MAGI2: variants seen among roughly 807,000 people sequenced by gnomAD.
MAGI2 encodes membrane-associated guanylate kinase, WW and PDZ domain-containing protein 2.
A neutral mutation model predicts 133.3 loss-of-function variants in MAGI2; 35 were observed. The ratio of observed to expected loss-of-function variants is 0.26; its 90% CI spans 0.20 to 0.35. The LOEUF (loss-of-function observed/expected upper bound fraction) is 0.35. Among genes scored for constraint, MAGI2 ranks in the 10% least tolerant of loss-of-function variants. The pLI is 1.00. For missense variants in MAGI2, 1,636 were observed against 1,863.4 expected, an observed-to-expected ratio of 0.88 and a Z score of 2.25; for synonymous variants, 729 against 710.6, an observed-to-expected ratio of 1.03 and a Z score of -0.41.
chr7:78,764,837 A>G (rs980371918), intron 2 of MAGI2, among the ~76,000 whole-genome samples: 6 of 152,202 alleles, frequency 3.9e-5, no homozygotes, highest in Admixed American at 2.0e-4. Context: ...AGTGCTAACC[A>G]CTACATGATA....
At chr7:79,133,241 A>C (rs1821097092) in intron 1 of MAGI2, among the ~76,000 whole-genome samples, 1 of 152,050 alleles carries the variant, frequency 6.6e-6, no homozygotes, top group Non-Finnish European at 1.5e-5. Context: ...TGTCTAGAAG[A>C]GTTTTTCCAA....
intron 14 of MAGI2, among the ~76,000 whole-genome samples, 183 bp from the exon 15 acceptor site, chr7:78,168,291 C>T (rs1443457552): frequency 6.6e-6 from 1 of 151,854 alleles, no homozygotes; most frequent in African/African-American, 2.4e-5. Flanking sequence ...AGTTATATAA[C>T]TTGTGGAAGA....
At chr7:78,029,658 C>T (rs901499068) in intron 21 of MAGI2, among the ~76,000 whole-genome samples, 17 of 152,302 alleles carry the variant, frequency 1.1e-4, no homozygotes, top group South Asian at 2.1e-4. Context: ...CAAACGACTG[C>T]GTGTTGAAAA....
At chr7:78,247,419 A>G (rs28379582) in intron 10 of MAGI2, among the ~76,000 whole-genome samples, 16,528 of 152,238 alleles carry the variant, frequency 0.11, 1,032 homozygotes, top group African/African-American at 0.16. Context: ...TACCAAAGGA[A>G]CACAATAACT....
At chr7:78,654,707 A>ATATATATATATATATATATATG (rs1811956777) in intron 2 of MAGI2, among the ~76,000 whole-genome samples, 1 of 2,452 alleles carries the variant, frequency 4.1e-4, no homozygotes, top group African/African-American at 8.9e-4. Flanking sequence ...ATATATGTAT[A>ATATATATATATATATATATATG]TATATATATA....
At chr7:79,055,655 A>T (rs147968528) in intron 1 of MAGI2, among the ~76,000 whole-genome samples, 11 of 152,300 alleles carry the variant, frequency 7.2e-5, no homozygotes, top group Admixed American at 1.3e-4. Flanking sequence ...CCAGATGGCT[A>T]TGTAGAAATA....
chr7:79,424,394 T>C (rs1398969639), intron 1 of MAGI2, among the ~76,000 whole-genome samples: 1 of 152,090 alleles, frequency 6.6e-6, no homozygotes, highest in Non-Finnish European at 1.5e-5. Context: ...GAATGGTGGT[T>C]GTGAGAGGCT....
At chr7:78,287,900 C>T (rs1275245311) in intron 9 of MAGI2, among the ~76,000 whole-genome samples, 1 of 152,114 alleles carries the variant, frequency 6.6e-6, no homozygotes, top group Non-Finnish European at 1.5e-5. Flanking sequence ...TTACCTATTC[C>T]ATTTTCACAA....
At chr7:78,505,990 G>A (rs148220948) in intron 4 of MAGI2, among the ~76,000 whole-genome samples, 9 of 152,096 alleles carry the variant, frequency 5.9e-5, no homozygotes, top group African/African-American at 1.2e-4. Flanking sequence ...GCATGCTCAG[G>A]ATTTGGAAGT....
chr7:78,136,741 A>G (rs940365319), intron 16 of MAGI2, among the ~76,000 whole-genome samples: 1 of 152,216 alleles, frequency 6.6e-6, no homozygotes, highest in Admixed American at 6.5e-5. Flanking sequence ...CCCACCATTC[A>G]GTATGTTTCA....
chr7:78,713,915 TCA>T (rs1277020145), intron 2 of MAGI2, among the ~76,000 whole-genome samples: 1 of 152,132 alleles, frequency 6.6e-6, no homozygotes, highest in East Asian at 1.9e-4. Context: ...AGTCTAGAAT[TCA>T]CAGTTTGTAC....
At chr7:78,872,408 G>C (rs1052788871) in intron 2 of MAGI2, among the ~76,000 whole-genome samples, 4 of 152,002 alleles carry the variant, frequency 2.6e-5, no homozygotes, top group Non-Finnish European at 5.9e-5. Context: ...TCATCAATAA[G>C]TTAAATAAGA....
Position 79,007,082 on chromosome 7 carries a change from G to A in MAGI2, c.418+8C>T. ...CATAAAAATATTAATACTGCCCATT[G>A]TACTCACATGGCACCGTGCGGAGGT... On this transcript the variant is annotated splice_region_variant and intron_variant, in intron 2 of 21. Transcript: ENST00000354212. 1.3e-6 allele frequency: 2 copies of A among 1,554,290 alleles called. No individual in the cohort carries two copies. Among genetic ancestry groups the A allele is most frequent in the Non-Finnish European group, 1.8e-6 (2 of 1,137,794 alleles).
chr7:78,295,427 A>T lies in MAGI2; in HGVS notation c.1409-38846T>A, dbSNP rs186153599. Among the ~76,000 whole-genome samples, 129 of 152,316 alleles carry T rather than the reference A, an allele frequency of 8.5e-4. 2 individuals carry two copies. Among genetic ancestry groups the T allele is most frequent in the African/African-American group, 2.8e-3 (118 of 41,570 alleles). On this transcript the variant is annotated intron_variant, in intron 9 of 21. Transcript: ENST00000354212. ...TGAATGCTTATCCACTGAAGGAAAGATAGCCTCATAACCTCTATTAAGTTT... is the reference window on the plus strand; with the variant it reads ...TGAATGCTTATCCACTGAAGGAAAGTTAGCCTCATAACCTCTATTAAGTTT...
chr7:79,019,914 G>A (rs975702613), intron 1 of MAGI2, among the ~76,000 whole-genome samples: 1 of 152,162 alleles, frequency 6.6e-6, no homozygotes. Flanking sequence ...CAGGAGTGGG[G>A]TGCTGCTGTA....
chr7:79,360,481 T>C (rs1842312181), intron 1 of MAGI2, among the ~76,000 whole-genome samples: 4 of 152,124 alleles, frequency 2.6e-5, no homozygotes, highest in Admixed American at 2.6e-4. Flanking sequence ...ACGTACACTA[T>C]ATCAATTTTT....
intron 2 of MAGI2, among the ~76,000 whole-genome samples, chr7:78,934,455 T>C (rs1310734669): frequency 6.6e-6 from 1 of 152,144 alleles, no homozygotes; most frequent in Non-Finnish European, 1.5e-5. Context: ...TTACTGTAAG[T>C]ACTTATGTGT....
rs189098153 is a variant in MAGI2, at chr7:79,324,607, A to T, written c.301+128413T>A. Among the ~76,000 whole-genome samples, 16 of 39,068 alleles carry T rather than the reference A, an allele frequency of 4.1e-4. 4 individuals carry two copies. The highest frequency in any genetic ancestry group is 0.027 in the Middle Eastern group (2 of 74). The allele number at this position is 39,068 out of a possible 152,430, so 25.6% of individuals were successfully genotyped here. A position where few individuals can be genotyped will look rare whatever the true frequency, so the allele number is the denominator to read the frequency against. On this transcript the variant is annotated intron_variant, in intron 1 of 21. Transcript: ENST00000354212. The stretch of plus-strand genomic sequence containing the variant: ...ATATATATATAACAATATATATATA[A>T]AAAATATATATAATATATATATTAT...
At chr7:78,609,946 G>C (rs1282463229) in intron 3 of MAGI2, among the ~76,000 whole-genome samples, 1 of 152,010 alleles carries the variant, frequency 6.6e-6, no homozygotes, top group Non-Finnish European at 1.5e-5. Context: ...TGTAACTATT[G>C]TATCTCTTGG....
Sources: gnomAD v4.1 joint callset for allele counts (sites outside exome capture counted in the v4.1 genomes callset) on GRCh38, gnomAD v4.1.1 for gene constraint, MANE v1.5 for transcripts, NCBI Gene and HGNC (gene_info 2026-07-23, HGNC 2026-07-21) for gene names.